ZDHHC14: variants seen among roughly 807,000 people sequenced by gnomAD.
ZDHHC14 encodes palmitoyltransferase ZDHHC14.
Under a neutral mutation model 47.7 loss-of-function variants are expected in ZDHHC14, and 16 were observed. That is an observed-to-expected ratio of 0.34 (90% CI 0.23 to 0.51). The LOEUF (loss-of-function observed/expected upper bound fraction) is 0.51. Ranked by LOEUF, ZDHHC14 falls within the 20% of genes least tolerant of loss-of-function variation. The pLI is 0.97. For missense variants in ZDHHC14, 515 were observed against 662.5 expected (o/e 0.78, Z 2.44); for synonymous variants, 293 against 278.9 (o/e 1.05, Z -0.50).
chr6:157,456,497 G>A (rs1421712574), intron 1 of ZDHHC14, among the ~76,000 whole-genome samples: 3 of 152,110 alleles, frequency 2.0e-5, no homozygotes, highest in Non-Finnish European at 2.9e-5. Flanking sequence ...TACCTAAAAC[G>A]GCACTCAGCG....
rs544188893 is a variant in ZDHHC14 at position 157,582,421 on chromosome 6, G to A, written c.407-10567G>A. ...TGCTCTTTTCAGGACCTCTTTTAAG[G>A]TAGGTCTGGTGGCAAGGAATTCCTC... On this transcript the variant is annotated intron_variant, in intron 2 of 8. Coordinates refer to ENST00000359775, the MANE Select transcript of ZDHHC14 (RefSeq NM_024630.3). This position sits in a 1 kb window ranked among gnomAD's most constrained non-coding sequence, Gnocchi z 4.3. Among the ~76,000 whole-genome samples, 1 of 152,300 alleles carries A rather than the reference G, an allele frequency of 6.6e-6. No homozygotes were observed. Among genetic ancestry groups the A allele is most frequent in the East Asian group, 1.9e-4 (1 of 5,186 alleles).
chr6:157,397,887 C>A (rs1478489415), intron 1 of ZDHHC14, among the ~76,000 whole-genome samples: 1 of 152,146 alleles, frequency 6.6e-6, no homozygotes, highest in Non-Finnish European at 1.5e-5. Flanking sequence ...ATGACACTTG[C>A]CTCTTGCAGA....
chr6:157,553,681 A>G (rs963363788), intron 2 of ZDHHC14, among the ~76,000 whole-genome samples: 5 of 152,126 alleles, frequency 3.3e-5, no homozygotes, highest in Non-Finnish European at 7.4e-5. Flanking sequence ...GGGGAGCTGT[A>G]TCTCCCTTCC....
chr6:157,672,655 AT>A, intron 8 of ZDHHC14, 68 bp from the exon 9 acceptor site: 9 of 259,516 alleles, frequency 3.5e-5, no homozygotes, highest in East Asian at 1.2e-4. Flanking sequence ...CCCTGTCCCC[AT>A]CCCTGTCCCT....
chr6:157,570,826 T>A (rs957252259), intron 2 of ZDHHC14, among the ~76,000 whole-genome samples: 6 of 151,734 alleles, frequency 4.0e-5, no homozygotes, highest in Non-Finnish European at 7.4e-5. Flanking sequence ...CATATATATA[T>A]ATATACACAC....
intron 1 of ZDHHC14, among the ~76,000 whole-genome samples, chr6:157,517,961 G>T (rs143451490): frequency 0.017 from 2,646 of 152,292 alleles, 87 homozygotes; most frequent in African/African-American, 0.06. Context: ...CTGAGAAAGG[G>T]TCAGTTGTAA....
chr6:157,455,414 G>A (rs1778890434), intron 1 of ZDHHC14, among the ~76,000 whole-genome samples: 1 of 152,246 alleles, frequency 6.6e-6, no homozygotes, highest in East Asian at 1.9e-4. Flanking sequence ...TGGCATGGGG[G>A]TTCCTGTTGA....
chr6:157,397,375 C>T (rs545590857), intron 1 of ZDHHC14, among the ~76,000 whole-genome samples: 10 of 152,344 alleles, frequency 6.6e-5, no homozygotes, highest in African/African-American at 2.4e-4. Flanking sequence ...CCCTGGGCTA[C>T]AATCAGGGTG....
intron 1 of ZDHHC14, among the ~76,000 whole-genome samples, chr6:157,435,695 A>G (rs1191650386): frequency 1.3e-5 from 2 of 152,016 alleles, no homozygotes; most frequent in Admixed American, 1.3e-4. Flanking sequence ...GTGTGCCCCC[A>G]TGCCCGCCTA....
chr6:157,626,263 G>T (rs544358838), intron 3 of ZDHHC14, among the ~76,000 whole-genome samples: 14 of 152,248 alleles, frequency 9.2e-5, no homozygotes, highest in African/African-American at 3.1e-4. Context: ...GAGTGAATAG[G>T]AGATTCCATC....
Position 157,419,375 on chromosome 6 carries a change from G to A in ZDHHC14, c.245+37109G>A, listed in dbSNP as rs188630036. 2.0e-3 allele frequency among the ~76,000 whole-genome samples: 307 copies of A among 152,216 alleles called. 1 individual carries two copies. Among genetic ancestry groups the A allele is most frequent in the Non-Finnish European group, 3.8e-3 (259 of 68,008 alleles). On this transcript the variant is annotated intron_variant, in intron 1 of 8. Coordinates refer to ENST00000359775, the MANE Select transcript of ZDHHC14 (RefSeq NM_024630.3). ...TTTTTCATATCAGAAAGGCTATTTT[G>A]TATGATACTGTATCAAACAAAAAAG...
At chr6:157,624,345 A>G (rs776566608) in intron 3 of ZDHHC14, among the ~76,000 whole-genome samples, 1 of 152,154 alleles carries the variant, frequency 6.6e-6, no homozygotes, top group Non-Finnish European at 1.5e-5. Context: ...CTGCTTTTCC[A>G]TGGCCTGTTC....
intron 1 of ZDHHC14, among the ~76,000 whole-genome samples, chr6:157,387,289 A>G (rs1777331409): frequency 6.6e-6 from 1 of 151,980 alleles, no homozygotes; most frequent in African/African-American, 2.4e-5. Context: ...GTTTGCCTTG[A>G]AGATGGAACT....
chr6:157,654,784 G>A (rs985458781), intron 8 of ZDHHC14, among the ~76,000 whole-genome samples: 3 of 151,012 alleles, frequency 2.0e-5, no homozygotes. Flanking sequence ...CGCCCAGGCT[G>A]GAGTGCAGTG....
intron 1 of ZDHHC14, among the ~76,000 whole-genome samples, chr6:157,519,441 T>G (rs191621745): frequency 6.6e-6 from 1 of 151,302 alleles, no homozygotes; most frequent in Admixed American, 6.6e-5. Context: ...TCGTTAACTG[T>G]GGTGAGCAGC....
At chr6:157,448,932 T>A (rs1394308654) in intron 1 of ZDHHC14, among the ~76,000 whole-genome samples, 9 of 152,228 alleles carry the variant, frequency 5.9e-5, no homozygotes, top group Non-Finnish European at 1.3e-4. Context: ...AGGGAGACAC[T>A]ATCATCCCCA....
intron 1 of ZDHHC14, among the ~76,000 whole-genome samples, chr6:157,509,553 C>A (rs1446411802): frequency 6.6e-6 from 1 of 152,158 alleles, no homozygotes; most frequent in Non-Finnish European, 1.5e-5. Context: ...TCACACCTGG[C>A]AGTGTGTCTC....
intron 8 of ZDHHC14, 49 bp from the exon 9 acceptor site, chr6:157,672,675 C>G (rs776778625): frequency 1.1e-5 from 17 of 1,556,574 alleles, no homozygotes; most frequent in Middle Eastern, 3.4e-4. Flanking sequence ...CTCCCCACCT[C>G]TGCCCCCTCC....
At chr6:157,395,857 CAT>C (rs1339903536) in intron 1 of ZDHHC14, among the ~76,000 whole-genome samples, 6 of 151,880 alleles carry the variant, frequency 4.0e-5, no homozygotes, top group Non-Finnish European at 2.9e-5. Context: ...GTGATAGACT[CAT>C]ATGCCTATTG....
Sources: allele counts gnomAD v4.1 joint callset (sites outside exome capture counted in the v4.1 genomes callset), GRCh38; gene constraint gnomAD v4.1.1; non-coding constraint Gnocchi (gnomAD v3.1); transcripts MANE v1.5; gene names NCBI Gene and HGNC (gene_info 2026-07-23, HGNC 2026-07-21).